PSMA8: variants seen among roughly 807,000 people sequenced by gnomAD.
The protein encoded by PSMA8 is proteasome subunit alpha-type 8.
In PSMA8, 18 loss-of-function variants were observed where a neutral mutation model predicts 32.4. The observed-to-expected ratio is 0.56, with a 90% CI of 0.38 to 0.82. PSMA8 has a LOEUF of 0.82. Ranked by LOEUF, PSMA8 falls within the 40% of genes least tolerant of loss-of-function variation. The pLI, the probability that PSMA8 is intolerant of heterozygous loss-of-function variation, is 0.00. For missense variants in PSMA8, 298 were observed against 300.7 expected (o/e 0.99, Z 0.07); for synonymous variants, 104 against 98.1 (o/e 1.06, Z -0.36).
chr18:26,155,544 A>G (rs1340338130), intron 3 of PSMA8, among the ~76,000 whole-genome samples: 1 of 152,240 alleles, frequency 6.6e-6, no homozygotes, highest in African/African-American at 2.4e-5. Context: ...AGAAACGTAC[A>G]TTGGAGAATG....
chr18:26,192,722 A>T lies in PSMA8; in HGVS notation c.*311A>T, dbSNP rs192674845. 54 of 156,854 alleles carry T rather than the reference A, an allele frequency of 3.4e-4. No individual in the cohort carries two copies. The highest frequency in any genetic ancestry group is 8.1e-4 in the African/African-American group (34 of 41,760). The allele number at this position is 156,854 out of a possible 1,614,324, so 9.7% of individuals were successfully genotyped here. A position where few individuals can be genotyped will look rare whatever the true frequency, so the allele number is the denominator to read the frequency against. On this transcript the variant is annotated 3_prime_UTR_variant, in exon 7 of 7. Transcript: ENST00000415576. ...ATATATGCAAATATAATTTTAAAAA[A>T]TTTTTTAATTAAAAAAATTTAATAA... is the stretch of plus-strand genomic sequence containing the variant.
intron 6 of PSMA8, among the ~76,000 whole-genome samples, chr18:26,187,313 C>G (rs2055363724): frequency 6.6e-6 from 1 of 152,172 alleles, no homozygotes. Flanking sequence ...TGCCACTGCA[C>G]TCCAGCCTGG....
intron 1 of PSMA8, chr18:26,140,252 C>T: frequency 1.5e-6 from 1 of 653,754 alleles, no homozygotes; most frequent in East Asian, 2.7e-5. Context: ...CTTGGCACCA[C>T]AGGTGCCAGC....
At chr18:26,160,204 C>A (rs1342242577) in intron 4 of PSMA8, among the ~76,000 whole-genome samples, 1 of 152,130 alleles carries the variant, frequency 6.6e-6, no homozygotes, top group Non-Finnish European at 1.5e-5. Flanking sequence ...ACTTTGGAAG[C>A]TAATGTGGAA....
chr18:26,152,588 G>A (rs925517347), intron 3 of PSMA8, among the ~76,000 whole-genome samples: 1 of 152,064 alleles, frequency 6.6e-6, no homozygotes, highest in African/African-American at 2.4e-5. Flanking sequence ...ACCTCCCAAA[G>A]TTCTGGGATT....
intron 1 of PSMA8, chr18:26,139,896 C>T (rs1284494282): frequency 1.8e-6 from 1 of 567,020 alleles, no homozygotes; most frequent in African/African-American, 1.9e-5. Flanking sequence ...GTTCGTTGAA[C>T]TTCTCAATTT....
intron 4 of PSMA8, among the ~76,000 whole-genome samples, chr18:26,173,364 T>C (rs749103252): frequency 3.3e-5 from 5 of 152,222 alleles, no homozygotes; most frequent in Non-Finnish European, 5.9e-5. Context: ...CCTCACCCTC[T>C]GAGTGAAGCC....
intron 6 of PSMA8, among the ~76,000 whole-genome samples, chr18:26,188,248 AAAACCT>A (rs2055372278): frequency 6.6e-6 from 1 of 152,076 alleles, no homozygotes; most frequent in African/African-American, 2.4e-5. Flanking sequence ...AGTGATAATG[AAAACCT>A]AACATATCAA....
rs1470235228 is a variant in PSMA8 at position 26,178,845 on chromosome 18, C to T, written c.493C>T (p.Arg165Ter). ...YHAWKANAIG[R>*]SAKTVREFLE... is the part of the protein sequence containing the mutation. Reference sequence around the variant, plus strand: ...ATTTTTCAAGGCAAATGCAATAGGCCGAAGTGCTAAAACTGTTCGAGAATT... The same window carrying T: ...ATTTTTCAAGGCAAATGCAATAGGCTGAAGTGCTAAAACTGTTCGAGAATT... Residue 165 changes from arginine (R) to a stop codon, truncating the protein, a stop_gained, in exon 5 of 7, where the codon CGA (arginine) becomes TGA (stop). Transcript: ENST00000415576. LOFTEE classifies it high-confidence loss of function. 8 of 1,611,650 alleles carry T rather than the reference C, an allele frequency of 5.0e-6. No individual in the cohort carries two copies. Among genetic ancestry groups the T allele is most frequent in the South Asian group, 2.2e-5 (2 of 90,212 alleles).
At chr18:26,137,859 G>T (rs1461606399) in intron 1 of PSMA8, among the ~76,000 whole-genome samples, 1 of 152,196 alleles carries the variant, frequency 6.6e-6, no homozygotes, top group Non-Finnish European at 1.5e-5. Context: ...TGTTGGGGAG[G>T]TCCCTCTGAA....
Position 26,192,642 on chromosome 18 carries a change from A to C in PSMA8, c.*231A>C. 3.5e-6 allele frequency: 1 copy of C among 285,630 alleles called. No homozygotes were observed. The highest frequency in any genetic ancestry group is 6.1e-6 in the Non-Finnish European group (1 of 162,896). 17.7% of individuals were successfully genotyped at this position (285,630 alleles called of 1,614,324 possible). A position where few individuals can be genotyped will look rare whatever the true frequency, so the allele number is the denominator to read the frequency against. ...ATTTCAGTAATTGTTGAGAGCAGTC[A>C]TAATTCCACATAAGCCTGAGACTCT... On this transcript the variant is annotated 3_prime_UTR_variant, in exon 7 of 7. Transcript: ENST00000415576.
intron 1 of PSMA8, among the ~76,000 whole-genome samples, chr18:26,136,370 C>T (rs758251967): frequency 6.6e-6 from 1 of 152,156 alleles, no homozygotes; most frequent in Non-Finnish European, 1.5e-5. Context: ...CTGTTATTAG[C>T]TCTGTATTTC....
Position 26,135,621 on chromosome 18 carries a change from G to T in PSMA8, c.102+1554G>T, listed in dbSNP as rs1201754562. On this transcript the variant is annotated intron_variant, in intron 1 of 6. Transcript: ENST00000415576. ...GGTACCATTTTGATAAAAACAAAAAGTTATATAATCCCCAGCATAGCATGT... is the reference window on the plus strand; with the variant it reads ...GGTACCATTTTGATAAAAACAAAAATTTATATAATCCCCAGCATAGCATGT... Among the ~76,000 whole-genome samples, 5 of 152,128 alleles carry T rather than the reference G, an allele frequency of 3.3e-5. No individual in the cohort carries two copies. In the South Asian group the frequency reaches 1.0e-3, roughly 31 times the overall value.
At chr18:26,188,376 T>C (rs780860523) in intron 6 of PSMA8, among the ~76,000 whole-genome samples, 2 of 149,560 alleles carry the variant, frequency 1.3e-5, no homozygotes, top group Non-Finnish European at 3.0e-5. Flanking sequence ...TCCATGTTCA[T>C]GGATTGGAAG....
intron 6 of PSMA8, among the ~76,000 whole-genome samples, chr18:26,188,111 A>G (rs1053871689): frequency 6.6e-6 from 1 of 152,132 alleles, no homozygotes; most frequent in Non-Finnish European, 1.5e-5. Flanking sequence ...GAAAAAAAAA[A>G]CTAGAAATCA....
intron 4 of PSMA8, among the ~76,000 whole-genome samples, chr18:26,169,625 C>T (rs902562639): frequency 3.9e-5 from 5 of 129,110 alleles, no homozygotes; most frequent in Non-Finnish European, 7.5e-5. Context: ...GAATCGCTTG[C>T]GGTCACGAGT....
At chr18:26,136,279 G>A (rs939967015) in intron 1 of PSMA8, among the ~76,000 whole-genome samples, 1 of 152,124 alleles carries the variant, frequency 6.6e-6, no homozygotes, top group African/African-American at 2.4e-5. Context: ...TTAGGGAAAA[G>A]AAATGAATCC....
rs1465784697 is a variant in PSMA8, at chr18:26,186,090, C to A, written c.661-6229C>A. ...CCCGTCTCTACTAAAAATACACACA[C>A]AAAAAAAAATTAGCTGGGTGTGTTG... On this transcript the variant is annotated intron_variant, in intron 6 of 6. Coordinates refer to ENST00000415576, the MANE Select transcript of PSMA8 (RefSeq NM_001025096.2). Among the ~76,000 whole-genome samples the A allele has an allele frequency of 2.1e-5, 3 of 141,572 alleles. 1 individual carries two copies. The East Asian group carries it at 6.6e-4, about 31-fold the overall frequency. The allele number at this position is 141,572 out of a possible 152,430, so 92.9% of individuals were successfully genotyped here.
At chr18:26,142,557 G>A (rs947413264) in intron 1 of PSMA8, among the ~76,000 whole-genome samples, 1 of 152,086 alleles carries the variant, frequency 6.6e-6, no homozygotes, top group African/African-American at 2.4e-5. Flanking sequence ...AGGACATTTG[G>A]TCTTTCTCTT....
Sources: allele counts gnomAD v4.1 joint callset (sites outside exome capture counted in the v4.1 genomes callset), GRCh38; gene constraint gnomAD v4.1.1; transcripts MANE v1.5; gene names NCBI Gene and HGNC (gene_info 2026-07-23, HGNC 2026-07-21).